Variants in MYO9B observed in about 807,000 individuals in gnomAD.
The protein encoded by MYO9B is myosin IXB.
MYO9B carries 71 observed loss-of-function variants against 229.5 expected under a neutral mutation model. That is an observed-to-expected ratio of 0.31 (90% confidence interval 0.26 to 0.38). The LOEUF (loss-of-function observed/expected upper bound fraction) is 0.38, where lower values mean the gene tolerates loss of function less well. Among genes scored for constraint, MYO9B ranks in the 10% least tolerant of loss-of-function variants. MYO9B has a pLI of 1.00. For synonymous variants in MYO9B, 1,185 were observed against 1,235.8 expected (o/e 0.96, Z 0.86); for missense variants, 2,255 against 2,920.5 (o/e 0.77, Z 5.25).
chr19:17,172,524 A>G lies in MYO9B; in HGVS notation c.1935+47A>G, dbSNP rs748993750. The stretch of plus-strand genomic sequence containing the variant: ...CTGGTGGAAGCCTGAGGGAAGCCAC[A>G]GTCAGCCCAGAAGCCCATGTGGGAG... On this transcript the variant is annotated intron_variant, in intron 12 of 39. Transcript: ENST00000682292. The surrounding 1 kb of genome is among the most constrained non-coding windows in gnomAD (Gnocchi z 8.2). The G allele has an allele frequency of 6.2e-7, 1 of 1,604,736 alleles. No individual in the cohort carries two copies. The highest frequency in any genetic ancestry group is 1.7e-5 in the Admixed American group (1 of 58,756).
Position 17,210,866 on chromosome 19 carries a change from C to A in MYO9B, c.5930+18C>A. The stretch of plus-strand genomic sequence containing the variant: ...GAGGAGAAGCAAGTGGCTCAGTCCC[C>A]TCCCTCAGTCCTTCATGTTTAGGGC... On this transcript the variant is annotated intron_variant, in intron 38 of 39. Transcript: ENST00000682292. 1 of 1,582,628 alleles carries A rather than the reference C, an allele frequency of 6.3e-7. No individual in the cohort carries two copies. The highest frequency in any genetic ancestry group is 2.3e-5 in the East Asian group (1 of 42,932).
chr19:17,175,788 C>G (rs1351752323), intron 14 of MYO9B, 47 bp downstream of exon 14: 9 of 1,367,574 alleles, frequency 6.6e-6, no homozygotes, highest in Non-Finnish European at 9.1e-6. Context: ...TAGGTGGCAG[C>G]AGCATTGTTT....
chr19:17,202,128 AGAACGG>A lies in MYO9B; in HGVS notation c.4665_4670del (p.Asn1555_Gly1556del), dbSNP rs1326950888. ...GCAGGGTGACGCCTAGCATTCCTACAGAACGGGAAGATCCACGTGGGCTACAAGGAT... is the reference window on the plus strand; with the variant it reads ...GCAGGGTGACGCCTAGCATTCCTACAGAAGATCCACGTGGGCTACAAGGAT... On this transcript the variant is annotated splice_acceptor_variant and coding_sequence_variant, in exon 28 of 40. Transcript: ENST00000682292. LOFTEE classifies it high-confidence loss of function. The A allele has an allele frequency of 6.2e-7, 1 of 1,613,502 alleles. No individual in the cohort carries two copies. Among genetic ancestry groups the A allele is most frequent in the South Asian group, 1.1e-5 (1 of 91,054 alleles).
intron 2 of MYO9B, among the ~76,000 whole-genome samples, chr19:17,144,923 T>C (rs2072387907): frequency 6.8e-6 from 1 of 146,586 alleles, no homozygotes; most frequent in Non-Finnish European, 1.5e-5. Context: ...TGAGCTGAGA[T>C]TGCGCCCCTG....
At position 17,154,043 on chromosome 19, in the gene MYO9B, G is replaced by A. The variant is rs749952550; in HGVS notation, c.1075G>A (p.Glu359Lys). Residue 359 changes from glutamate to lysine, a missense_variant, in exon 5 of 40, where the codon GAA becomes AAA. By Grantham distance (56) the Glu-to-Lys change is moderately conservative. This residue lies in a region of MYO9B where 386 missense variants were observed against 515.2 expected (regional missense o/e 0.75). Transcript: ENST00000682292. Reference protein sequence around the residue: ...ERQEFQLKQPEDYFYLNQHNL... With the variant: ...ERQEFQLKQPKDYFYLNQHNL... The stretch of plus-strand genomic sequence containing the variant: ...CCAAGAATTTCAGCTCAAGCAGCCT[G>A]AAGATTATTTCTACCTCAACCAGGT... 6.2e-7 allele frequency: 1 copy of A among 1,613,056 alleles called. No homozygotes were observed. The highest frequency in any genetic ancestry group is 8.5e-7 in the Non-Finnish European group (1 of 1,179,810).
chr19:17,212,425 A>C lies in MYO9B; in HGVS notation c.*115A>C. On this transcript the variant is annotated 3_prime_UTR_variant, in exon 40 of 40. Transcript: ENST00000682292. This position sits in a 1 kb window ranked among gnomAD's most constrained non-coding sequence, Gnocchi z 5.4. ...GAGAAGGATCCAGAATCAAAAGCTC[A>C]AGAGTGACGTGAGGTGGGCACCGGC... The C allele has an allele frequency of 7.8e-7, 1 of 1,279,344 alleles. No individual in the cohort carries two copies. Among genetic ancestry groups the C allele is most frequent in the Non-Finnish European group, 1.0e-6 (1 of 973,678 alleles). 79.2% of individuals were successfully genotyped at this position (1,279,344 alleles called of 1,614,324 possible). A position where few individuals can be genotyped will look rare whatever the true frequency, so the allele number is the denominator to read the frequency against.
Position 17,206,204 on chromosome 19 carries a change from C to T in MYO9B, c.5258-44C>T, listed in dbSNP as rs774421913. ...GTGCCAGGCCCCAGGCACAGCCGTC[C>T]TGCCAGTGCGCCGCTCACCAGACCC... On this transcript the variant is annotated intron_variant, in intron 32 of 39. Coordinates refer to ENST00000682292, the MANE Select transcript of MYO9B (RefSeq NM_004145.4). 6 of 1,597,182 alleles carry T rather than the reference C, an allele frequency of 3.8e-6. No homozygotes were observed. In the Admixed American group the frequency reaches 1.0e-4, roughly 28 times the overall value.
Position 17,207,031 on chromosome 19 carries a change from G to A in MYO9B, c.5493-82G>A. On this transcript the variant is annotated intron_variant, in intron 34 of 39. Coordinates refer to ENST00000682292, the MANE Select transcript of MYO9B (RefSeq NM_004145.4). Reference sequence around the variant, plus strand: ...ACTGCTTTCCCAACAGCCACCCCAGGGCTCAGAAGTTCAGTCTCGGGGCTC... The same window carrying A: ...ACTGCTTTCCCAACAGCCACCCCAGAGCTCAGAAGTTCAGTCTCGGGGCTC... 3 of 1,538,628 alleles carry A rather than the reference G, an allele frequency of 1.9e-6. No individual in the cohort carries two copies. The South Asian group carries it at 3.5e-5, about 18-fold the overall frequency.
chr19:17,200,742 A>G lies in MYO9B; in HGVS notation c.4476A>G (p.Thr1492=), dbSNP rs2073098105. Reference sequence around the variant, plus strand: ...GAAATGTCAAGATTGGGAAGATCACAGTGTCAGAGAAGTGGCGGGAATCGG... The same window carrying G: ...GAAATGTCAAGATTGGGAAGATCACGGTGTCAGAGAAGTGGCGGGAATCGG... The part of the protein sequence containing the change: ...KNRNVKIGKI[T]VSEKWRESVF... Residue 1492 remains threonine, a synonymous_variant, in exon 26 of 40, where the codon ACA becomes ACG. Transcript: ENST00000682292. 6.2e-7 allele frequency: 1 copy of G among 1,614,102 alleles called. No individual in the cohort carries two copies. Among genetic ancestry groups the G allele is most frequent in the Middle Eastern group, 1.6e-4 (1 of 6,062 alleles).
chr19:17,194,603 G>A lies in MYO9B; in HGVS notation c.3176G>A (p.Arg1059Lys). Residue 1059 changes from arginine to lysine, a missense_variant, in exon 22 of 40, where the codon AGG becomes AAG. Physicochemically the swap from Arg to Lys is conservative, Grantham distance 26. Transcript: ENST00000682292. Reference protein sequence around the residue: ...SEKQKAEEKEREALEAARAGA... With the variant: ...SEKQKAEEKEKEALEAARAGA... ...AAGCAGAAGGCAGAAGAGAAGGAGA[G>A]GGAAGCCCTGGAAGCCGCAAGAGCA... 1 of 1,612,878 alleles carries A rather than the reference G, an allele frequency of 6.2e-7. No individual in the cohort carries two copies. Among genetic ancestry groups the A allele is most frequent in the African/African-American group, 1.3e-5 (1 of 75,064 alleles).
intron 14 of MYO9B, among the ~76,000 whole-genome samples, chr19:17,177,349 G>A (rs1318422403): frequency 7.1e-6 from 1 of 140,994 alleles, no homozygotes; most frequent in African/African-American, 2.7e-5. Flanking sequence ...ATTTCATTGT[G>A]TGGGTTGCAT....
intron 19 of MYO9B, among the ~76,000 whole-genome samples, chr19:17,189,915 A>C (rs1312250554): frequency 1.3e-5 from 2 of 151,758 alleles, no homozygotes; most frequent in Non-Finnish European, 2.9e-5. Flanking sequence ...AAATTTAAAA[A>C]TTAGCCGGGA....
intron 7 of MYO9B, 53 bp from the exon 8 acceptor site, chr19:17,159,342 T>C: frequency 6.7e-7 from 1 of 1,496,110 alleles, no homozygotes. Context: ...AGGACATGCC[T>C]GATAAGTCCT....
intron 37 of MYO9B, 25 bp downstream of exon 37, chr19:17,210,405 C>T (rs900091194): frequency 7.0e-6 from 11 of 1,570,068 alleles, no homozygotes; most frequent in African/African-American, 2.7e-5. Flanking sequence ...GGTGGGCCCG[C>T]GGTGCATGTC....
At chr19:17,154,835 A>C (rs2072520178) in intron 6 of MYO9B, among the ~76,000 whole-genome samples, 1 of 151,994 alleles carries the variant, frequency 6.6e-6, no homozygotes, top group Admixed American at 6.6e-5. Flanking sequence ...GGTAGTATGC[A>C]CCTGTGGTCC....
chr19:17,143,694 G>A (rs564273584), intron 2 of MYO9B, among the ~76,000 whole-genome samples: 6 of 152,008 alleles, frequency 3.9e-5, no homozygotes, highest in East Asian at 1.9e-4. Context: ...AGGCCGGGGC[G>A]GGCAGATCAT....
intron 3 of MYO9B, among the ~76,000 whole-genome samples, chr19:17,147,660 A>G (rs1255243799): frequency 6.9e-6 from 1 of 144,014 alleles, no homozygotes; most frequent in Non-Finnish European, 1.5e-5. Context: ...CTGCGCCCAG[A>G]CACTATGTTT....
intron 2 of MYO9B, among the ~76,000 whole-genome samples, chr19:17,141,256 C>T (rs936941517): frequency 7.9e-5 from 12 of 152,150 alleles, no homozygotes; most frequent in South Asian, 2.1e-4. Flanking sequence ...TTGGCCACCA[C>T]CTACCCCACC....
rs758805441 is a variant in MYO9B, at chr19:17,194,709, C to T, written c.3282C>T (p.Gly1094=). The T allele has an allele frequency of 4.4e-5, 71 of 1,612,798 alleles. 1 individual carries two copies. In the South Asian group the frequency reaches 7.5e-4, roughly 17 times the overall value. Reference sequence around the variant, plus strand: ...AGGGGCCGGAGCCAGCGGAGGATGGCGGGCACCTGGCATCGGAGCCTGAGG... The same window carrying T: ...AGGGGCCGGAGCCAGCGGAGGATGGTGGGCACCTGGCATCGGAGCCTGAGG... ...AEQGPEPAED[G]GHLASEPEVQ... Residue 1094 remains glycine (G), a synonymous_variant, in exon 22 of 40, where the codon GGC becomes GGT. Transcript: ENST00000682292.
Sources: gnomAD v4.1 joint callset for allele counts (sites outside exome capture counted in the v4.1 genomes callset) on GRCh38, gnomAD v4.1.1 for gene constraint, gnomAD v4.1.1 regional missense constraint, Gnocchi (gnomAD v3.1) non-coding constraint, MANE v1.5 for transcripts, NCBI Gene and HGNC (gene_info 2026-07-23, HGNC 2026-07-21) for gene names.